DTNB: variants seen among roughly 807,000 people sequenced by gnomAD.
DTNB encodes the protein dystrobrevin beta, also known as DTN-B.
In DTNB, 63 loss-of-function variants were observed where a neutral mutation model predicts 90.7. That is an observed-to-expected ratio of 0.69 (90% CI 0.57 to 0.86). DTNB has a LOEUF of 0.86. Among genes scored for constraint, DTNB ranks in the 40% least tolerant of loss-of-function variants. The probability of loss-of-function intolerance (pLI) is 0.00; values close to 1 mark genes in which losing one functional copy is unlikely to be tolerated. For synonymous variants in DTNB, 277 were observed against 286.7 expected, an observed-to-expected ratio of 0.97 and a Z score of 0.34; for missense variants, 744 against 807.1, an observed-to-expected ratio of 0.92 and a Z score of 0.95.
intron 11 of DTNB, among the ~76,000 whole-genome samples, chr2:25,454,149 C>CAA (rs55676356): frequency 5.0e-5 from 5 of 99,350 alleles, no homozygotes; most frequent in Non-Finnish European, 4.2e-5. Context: ...GACTCTGTCT[C>CAA]AAAAAAAAAA....
chr2:25,606,019 G>C (rs541455611), intron 5 of DTNB, among the ~76,000 whole-genome samples: 1 of 152,174 alleles, frequency 6.6e-6, no homozygotes, highest in African/African-American at 2.4e-5. Context: ...AATACATTAA[G>C]ATCTTTCTTT....
At chr2:25,380,698 G>A (rs548551472) in intron 19 of DTNB, among the ~76,000 whole-genome samples, 9 of 152,242 alleles carry the variant, frequency 5.9e-5, no homozygotes, top group South Asian at 2.1e-4. Context: ...CTGGAGTGCC[G>A]GGAAAGGGAA....
intron 6 of DTNB, 136 bp downstream of exon 6, chr2:25,595,950 C>A: frequency 1.4e-6 from 1 of 717,390 alleles, no homozygotes; most frequent in Non-Finnish European, 1.7e-6. Flanking sequence ...TTCATCCACT[C>A]CCCACCACCT....
At chr2:25,671,899 C>T (rs545088460) in intron 1 of DTNB, among the ~76,000 whole-genome samples, 23 of 152,208 alleles carry the variant, frequency 1.5e-4, no homozygotes, top group Non-Finnish European at 3.4e-4. Context: ...GAATTCCAGC[C>T]CTTACAGAAA....
At chr2:25,411,990 G>A (rs1382380290) in intron 16 of DTNB, among the ~76,000 whole-genome samples, 1 of 152,202 alleles carries the variant, frequency 6.6e-6, no homozygotes, top group Non-Finnish European at 1.5e-5. Flanking sequence ...CAAAGGCTAA[G>A]AAGGGAACGT....
At chr2:25,503,939 G>T (rs2071541245) in intron 9 of DTNB, among the ~76,000 whole-genome samples, 1 of 150,952 alleles carries the variant, frequency 6.6e-6, no homozygotes, top group Non-Finnish European at 1.5e-5. Context: ...AAAAAAAACA[G>T]TTTTATTTAC....
At chr2:25,476,355 A>G (rs2063753784) in intron 10 of DTNB, among the ~76,000 whole-genome samples, 1 of 152,188 alleles carries the variant, frequency 6.6e-6, no homozygotes, top group Non-Finnish European at 1.5e-5. Context: ...AGGCCACCAC[A>G]CCCAGCCAAG....
intron 4 of DTNB, among the ~76,000 whole-genome samples, chr2:25,617,129 G>A (rs1229692870): frequency 6.6e-6 from 1 of 152,012 alleles, no homozygotes; most frequent in Non-Finnish European, 1.5e-5. Flanking sequence ...CCCTCCACCT[G>A]TATGCACTTT....
intron 9 of DTNB, among the ~76,000 whole-genome samples, chr2:25,514,742 G>T (rs2074713084): frequency 7.2e-6 from 1 of 138,426 alleles, no homozygotes; most frequent in Admixed American, 7.7e-5. Flanking sequence ...ACGCTGGAGT[G>T]CAGTGGCTCT....
intron 12 of DTNB, among the ~76,000 whole-genome samples, chr2:25,436,862 G>C (rs2055959165): frequency 6.6e-6 from 1 of 152,144 alleles, no homozygotes; most frequent in African/African-American, 2.4e-5. Flanking sequence ...GGAAAATTAT[G>C]GGTCAGGAGG....
chr2:25,492,577 G>T (rs182093491), intron 9 of DTNB, among the ~76,000 whole-genome samples: 149 of 152,240 alleles, frequency 9.8e-4, no homozygotes, highest in African/African-American at 3.4e-3. Flanking sequence ...AAAGATGAAG[G>T]AGTAGGCTGG....
chr2:25,554,276 A>C (rs1040655579), intron 8 of DTNB, among the ~76,000 whole-genome samples: 1 of 152,190 alleles, frequency 6.6e-6, no homozygotes, highest in African/African-American at 2.4e-5. Flanking sequence ...ACAGGGAAAA[A>C]TGTTGCACTG....
chr2:25,436,433 C>T (rs1326985511), intron 12 of DTNB, among the ~76,000 whole-genome samples: 3 of 152,116 alleles, frequency 2.0e-5, no homozygotes, highest in African/African-American at 7.2e-5. Context: ...TCACTGAGGG[C>T]TCCACGATGA....
intron 9 of DTNB, among the ~76,000 whole-genome samples, chr2:25,500,838 A>G (rs1205765591): frequency 2.6e-5 from 4 of 152,242 alleles, no homozygotes; most frequent in Non-Finnish European, 1.5e-5. Flanking sequence ...AACAAAATGA[A>G]AAAGTATCCT....
chr2:25,516,132 C>T (rs2150742518), intron 9 of DTNB, among the ~76,000 whole-genome samples: 1 of 152,302 alleles, frequency 6.6e-6, no homozygotes, highest in Middle Eastern at 3.4e-3. Flanking sequence ...TCCTACCACT[C>T]ACTAACTAGG....
chr2:25,572,842 T>C (rs746639259), intron 8 of DTNB, among the ~76,000 whole-genome samples: 3 of 152,206 alleles, frequency 2.0e-5, no homozygotes, highest in Non-Finnish European at 2.9e-5. Flanking sequence ...AAGACTAATG[T>C]AGTTCTTTGC....
At chr2:25,656,625 C>A (rs1463311370) in intron 1 of DTNB, among the ~76,000 whole-genome samples, 4 of 152,198 alleles carry the variant, frequency 2.6e-5, no homozygotes, top group Non-Finnish European at 4.4e-5. Context: ...CTGCCAAAAT[C>A]TTTGTCCACA....
intron 16 of DTNB, among the ~76,000 whole-genome samples, chr2:25,412,435 A>G (rs924508870): frequency 6.6e-6 from 1 of 152,188 alleles, no homozygotes; most frequent in Non-Finnish European, 1.5e-5. Context: ...TTATTTTCAG[A>G]GTGCCAGGTA....
At chr2:25,381,896 C>G (rs1437625773) in intron 19 of DTNB, among the ~76,000 whole-genome samples, 2 of 152,270 alleles carry the variant, frequency 1.3e-5, no homozygotes, top group African/African-American at 4.8e-5. Flanking sequence ...CTTAGCCACT[C>G]CAGCCCCTAT....
Sources: gnomAD v4.1 joint callset for allele counts (sites outside exome capture counted in the v4.1 genomes callset) on GRCh38, gnomAD v4.1.1 for gene constraint, MANE v1.5 for transcripts, NCBI Gene and HGNC (gene_info 2026-07-23, HGNC 2026-07-21) for gene names.